Variants in LMTK2 observed in about 807,000 individuals in gnomAD.
The protein encoded by LMTK2 is lemur tail kinase 2.
LMTK2 carries 37 observed loss-of-function variants against 127.5 expected under a neutral mutation model. The observed-to-expected ratio is 0.29, with a 90% CI of 0.22 to 0.38. The LOEUF is 0.38. Ranked by LOEUF, LMTK2 falls within the 10% of genes least tolerant of loss-of-function variation. The probability of loss-of-function intolerance (pLI) is 1.00; values close to 1 mark genes in which losing one functional copy is unlikely to be tolerated. For missense variants in LMTK2, 1,694 were observed against 1,920.3 expected, an observed-to-expected ratio of 0.88 and a Z score of 2.20; for synonymous variants, 819 against 810.1, an observed-to-expected ratio of 1.01 and a Z score of -0.19.
intron 6 of LMTK2, among the ~76,000 whole-genome samples, chr7:98,165,312 C>G (rs1364857866): frequency 6.6e-6 from 1 of 152,170 alleles, no homozygotes; most frequent in African/African-American, 2.4e-5. Context: ...ATAGCAGTAG[C>G]TTCAGTCTAC....
chr7:98,141,486 A>G lies in LMTK2; in HGVS notation c.321A>G (p.Thr107=), dbSNP rs1245446327. The G allele has an allele frequency of 1.2e-6, 2 of 1,614,016 alleles. No homozygotes were observed. Among genetic ancestry groups the G allele is most frequent in the Non-Finnish European group, 1.7e-6 (2 of 1,179,890 alleles). The change falls in exon 3 of 14, where the codon ACA becomes ACG. Residue 107 remains threonine, a synonymous_variant. Coordinates refer to ENST00000297293, the MANE Select transcript of LMTK2 (RefSeq NM_014916.4). ...PSVQSPAEVF[T]LSVPNISLPA... ...TTCAGTCCCCAGCAGAGGTCTTCACACTTTCAGTACCAAATATTTCACTCC... is the reference window on the plus strand; with the variant it reads ...TTCAGTCCCCAGCAGAGGTCTTCACGCTTTCAGTACCAAATATTTCACTCC...
chr7:98,108,722 C>T (rs1184768835), intron 1 of LMTK2, among the ~76,000 whole-genome samples: 1 of 152,060 alleles, frequency 6.6e-6, no homozygotes, highest in South Asian at 2.1e-4. Flanking sequence ...AAAGTTAGCA[C>T]TAGTATAGTG....
At position 98,207,304 on chromosome 7, in the gene LMTK2, G is replaced by A. The variant is rs1435296472; in HGVS notation, c.*1812G>A. ...AGGAAGTTGAGTCCTAGTGCAAAAT[G>A]CAGGCGGACGTTGCCAGAGAGTGCG... On this transcript the variant is annotated 3_prime_UTR_variant, in exon 14 of 14. Coordinates refer to ENST00000297293, the MANE Select transcript of LMTK2 (RefSeq NM_014916.4). 1 of 152,200 alleles carries A rather than the reference G, an allele frequency of 6.6e-6. No individual in the cohort carries two copies. Among genetic ancestry groups the A allele is most frequent in the African/African-American group, 2.4e-5 (1 of 41,440 alleles). The allele number at this position is 152,200 out of a possible 1,614,324, so 9.4% of individuals were successfully genotyped here.
At chr7:98,143,672 T>A (rs1005377070) in intron 3 of LMTK2, among the ~76,000 whole-genome samples, 5 of 152,136 alleles carry the variant, frequency 3.3e-5, no homozygotes, top group African/African-American at 1.2e-4. Context: ...TCCACTAGGA[T>A]TAGTGCAGCT....
At chr7:98,119,066 T>C (rs1271630502) in intron 1 of LMTK2, among the ~76,000 whole-genome samples, 3 of 136,056 alleles carry the variant, frequency 2.2e-5, no homozygotes, top group African/African-American at 8.5e-5. Context: ...CACTCCCGCC[T>C]GGGTGACAGA....
At chr7:98,170,905 T>A (rs1186485284) in intron 6 of LMTK2, among the ~76,000 whole-genome samples, 1 of 152,176 alleles carries the variant, frequency 6.6e-6, no homozygotes, top group Non-Finnish European at 1.5e-5. Flanking sequence ...ATTTTCCTGC[T>A]CAGGTTGCTC....
At position 98,171,620 on chromosome 7, in the gene LMTK2, C is replaced by G; in HGVS notation, c.737C>G (p.Ala246Gly). The part of the protein sequence containing the change: ...DSQTMLLQRM[A>G]CEVAAGLAAM... ...CAGACCATGCTGCTGCAGAGGATGG[C>G]GTGCGAGGTCGCCGCGGGGCTGGCC... is the stretch of plus-strand genomic sequence containing the variant. Residue 246 changes from alanine to glycine, a missense_variant, in exon 7 of 14, where the codon GCG (alanine) becomes GGG (glycine). Ala to Gly is a moderately conservative substitution (Grantham distance 60, BLOSUM62 0). This residue lies in a region of LMTK2 where 203 missense variants were observed against 226.2 expected (regional missense o/e 0.90). Coordinates refer to ENST00000297293, the MANE Select transcript of LMTK2 (RefSeq NM_014916.4). This position sits in a 1 kb window ranked among gnomAD's most constrained non-coding sequence, Gnocchi z 5.1. The G allele has an allele frequency of 6.2e-7, 1 of 1,610,522 alleles. No individual in the cohort carries two copies. Among genetic ancestry groups the G allele is most frequent in the Non-Finnish European group, 8.5e-7 (1 of 1,178,742 alleles).
At chr7:98,184,252 C>A (rs1256828156) in intron 7 of LMTK2, among the ~76,000 whole-genome samples, 1 of 152,018 alleles carries the variant, frequency 6.6e-6, no homozygotes, top group South Asian at 2.1e-4. Flanking sequence ...GTATAAGAGG[C>A]CATTTTGCCT....
intron 1 of LMTK2, among the ~76,000 whole-genome samples, chr7:98,124,515 GT>G (rs1443669662): frequency 6.6e-6 from 1 of 152,098 alleles, no homozygotes; most frequent in African/African-American, 2.4e-5. Flanking sequence ...GCCAAGGGTG[GT>G]GGCCCATGCC....
chr7:98,189,790 C>G (rs956563591), intron 9 of LMTK2, among the ~76,000 whole-genome samples: 9 of 152,112 alleles, frequency 5.9e-5, no homozygotes, highest in African/African-American at 1.9e-4. Flanking sequence ...GAAGGGCGTT[C>G]CTGCTGTGGT....
chr7:98,156,810 T>C lies in LMTK2; in HGVS notation c.569+1934T>C, dbSNP rs533293838. The stretch of plus-strand genomic sequence containing the variant: ...GGCTGGAGACCCAGGGAATAGTCGA[T>C]GTTGTAGTTTAAGGCTGAAGGCTGT... On this transcript the variant is annotated intron_variant, in intron 5 of 13. Coordinates refer to ENST00000297293, the MANE Select transcript of LMTK2 (RefSeq NM_014916.4). 2.0e-5 allele frequency among the ~76,000 whole-genome samples: 3 copies of C among 152,190 alleles called. No individual in the cohort carries two copies. The East Asian group carries it at 5.8e-4, about 29-fold the overall frequency.
chr7:98,144,883 A>G (rs189010702), intron 3 of LMTK2, among the ~76,000 whole-genome samples: 2 of 151,816 alleles, frequency 1.3e-5, no homozygotes, highest in Admixed American at 6.6e-5. Context: ...GGTTCGTACT[A>G]TGTAGATTGT....
rs376820162 is a variant in LMTK2, at chr7:98,192,104, G to T, written c.1639G>T (p.Val547Phe). Residue 547 changes from valine (V) to phenylalanine (F), a missense_variant, in exon 11 of 14, where the codon GTT (valine) becomes TTT (phenylalanine). Coordinates refer to ENST00000297293, the MANE Select transcript of LMTK2 (RefSeq NM_014916.4). ...VPVFDAHNLS[V>F]GSDYYIQLEE... ...TGTTTTTGATGCCCACAACCTTTCT[G>T]TTGGAAGCGACTATTATATCCAGTT... 6.4e-7 allele frequency: 1 copy of T among 1,556,980 alleles called. No homozygotes were observed.
In LMTK2 at chr7:98,185,125, G is replaced by T. The variant is rs1797414354; in HGVS notation, c.866G>T (p.Ser289Ile). Residue 289 changes from serine to isoleucine, a missense_variant, in exon 8 of 14, where the codon AGC becomes ATC. Coordinates refer to ENST00000297293, the MANE Select transcript of LMTK2 (RefSeq NM_014916.4). ...GTGGGAGATTACGGAATAGGATTCAGCAGGTACAAGGTAAGCCAGAGGTTT... is the reference window on the plus strand; with the variant it reads ...GTGGGAGATTACGGAATAGGATTCATCAGGTACAAGGTAAGCCAGAGGTTT... ...VKVGDYGIGF[S>I]RYKEDYIETD... 1.9e-6 allele frequency: 3 copies of T among 1,609,924 alleles called. No individual in the cohort carries two copies. The highest frequency in any genetic ancestry group is 2.6e-6 in the Non-Finnish European group (3 of 1,176,420).
In LMTK2 at chr7:98,191,811, A is replaced by T. The variant is rs1159748930; in HGVS notation, c.1346A>T (p.His449Leu). The T allele has an allele frequency of 7.4e-6, 12 of 1,613,996 alleles. No homozygotes were observed. In the East Asian group the frequency reaches 2.7e-4, roughly 36 times the overall value. Residue 449 changes from histidine to leucine, a missense_variant, in exon 11 of 14, where the codon CAC becomes CTC. Physicochemically the swap from His to Leu is moderately conservative, Grantham distance 99 (BLOSUM62 -3). This residue lies in a region of LMTK2 where 216 missense variants were observed against 266.8 expected (regional missense o/e 0.81). Coordinates refer to ENST00000297293, the MANE Select transcript of LMTK2 (RefSeq NM_014916.4). Reference protein sequence around the residue: ...SNNAAFPILDHFARDRLGREM... With the variant: ...SNNAAFPILDLFARDRLGREM... ...AATGCTGCATTCCCAATTCTCGACC[A>T]CTTTGCCAGGGACCGGCTGGGTCGT...
chr7:98,128,651 G>C (rs780138768), intron 1 of LMTK2, among the ~76,000 whole-genome samples: 2 of 152,188 alleles, frequency 1.3e-5, no homozygotes, highest in Non-Finnish European at 2.9e-5. Context: ...GAGGTCCGAG[G>C]GCTGTGGCTC....
chr7:98,186,802 A>G, intron 8 of LMTK2, 75 bp from the exon 9 acceptor site: 1 of 1,333,214 alleles, frequency 7.5e-7, no homozygotes, highest in Admixed American at 2.0e-5. Flanking sequence ...TTCTGAGAAT[A>G]CCATGGATTT....
chr7:98,121,745 A>G (rs1796364680), intron 1 of LMTK2, among the ~76,000 whole-genome samples: 1 of 152,186 alleles, frequency 6.6e-6, no homozygotes, highest in Non-Finnish European at 1.5e-5. Context: ...TCAGGGCTGT[A>G]ATCCCAGCAC....
intron 2 of LMTK2, 97 bp from the exon 3 acceptor site, chr7:98,141,300 A>C (rs1796695497): frequency 8.2e-7 from 1 of 1,213,862 alleles, no homozygotes; most frequent in East Asian, 2.3e-5. Context: ...AACTGGAAAA[A>C]AATAATTGTG....
Sources: allele counts gnomAD v4.1 joint callset (sites outside exome capture counted in the v4.1 genomes callset), GRCh38; gene constraint gnomAD v4.1.1; regional missense constraint gnomAD v4.1.1; non-coding constraint Gnocchi (gnomAD v3.1); transcripts MANE v1.5; gene names NCBI Gene and HGNC (gene_info 2026-07-23, HGNC 2026-07-21).